Variants in VGLL4 observed in about 807,000 individuals in gnomAD.
VGLL4 encodes the protein transcription cofactor vestigial-like protein 4.
In VGLL4, 7 loss-of-function variants were observed where a neutral mutation model predicts 21.0. The observed-to-expected ratio is 0.33, with a 90% CI of 0.19 to 0.63. The LOEUF is 0.63. VGLL4 is among the 20% of genes least tolerant of loss of function. VGLL4 has a pLI of 0.78. For synonymous variants in VGLL4, 222 were observed against 173.2 expected (o/e 1.28, Z -2.21); for missense variants, 394 against 425.7 (o/e 0.93, Z 0.66).
intron 1 of VGLL4, among the ~76,000 whole-genome samples, chr3:11,635,165 G>C (rs2075562678): frequency 1.3e-5 from 2 of 152,188 alleles, no homozygotes; most frequent in Admixed American, 1.3e-4. Context: ...AGATTAAGAG[G>C]GAAAGGGCAG....
At chr3:11,693,051 TC>T in intron 2 of VGLL4, 1 of 186,316 alleles carries the variant, frequency 5.4e-6, no homozygotes, top group Non-Finnish European at 1.2e-5. Flanking sequence ...GTACCTGTGG[TC>T]CCAGCTACTC....
chr3:11,648,957 G>A (rs2075831964), intron 2 of VGLL4, among the ~76,000 whole-genome samples: 1 of 152,196 alleles, frequency 6.6e-6, no homozygotes, highest in Non-Finnish European at 1.5e-5. Flanking sequence ...AAAGCAGGTT[G>A]GCACACACTA....
At chr3:11,590,656 A>G in intron 2 of VGLL4, among the ~76,000 whole-genome samples, 1 of 137,560 alleles carries the variant, frequency 7.3e-6, no homozygotes, top group Non-Finnish European at 1.5e-5. Context: ...GAAATTTCAA[A>G]ATGAAGAGTG....
At chr3:11,646,088 C>G (rs1321548106), upstream of VGLL4, among the ~76,000 whole-genome samples, 2 of 152,146 alleles carry the variant, frequency 1.3e-5, no homozygotes, top group East Asian at 3.8e-4. Flanking sequence ...ATAGGGGAAT[C>G]AAGATTTCAC....
rs2075905304 is a variant in VGLL4 at position 11,653,323 on chromosome 3, A to G, written c.64+49648T>C. Among the ~76,000 whole-genome samples, 1 of 152,222 alleles carries G rather than the reference A, an allele frequency of 6.6e-6. No homozygotes were observed. The highest frequency in any genetic ancestry group is 1.9e-4 in the East Asian group (1 of 5,202). On this transcript the variant is annotated intron_variant, in intron 2 of 5. Coordinates refer to the VGLL4 transcript ENST00000273038. The surrounding 1 kb of genome is among the most constrained non-coding windows in gnomAD (Gnocchi z 4.2). ...AGTAACTACCCCCATAGGGTAACTT[A>G]CTATCCTAACCTTTAAGAACGTAGA... is the stretch of plus-strand genomic sequence containing the variant.
chr3:11,678,360 G>C (rs11712261), intron 2 of VGLL4, among the ~76,000 whole-genome samples: 80,232 of 151,824 alleles, frequency 0.53, 22,235 homozygotes, highest in Non-Finnish European at 0.63. Context: ...CCAGCCCAAG[G>C]CTCCCTAGTT....
At chr3:11,563,597 G>A (rs887796582) in intron 3 of VGLL4, among the ~76,000 whole-genome samples, 19 of 152,320 alleles carry the variant, frequency 1.2e-4, no homozygotes, top group African/African-American at 3.4e-4. Flanking sequence ...AATGGTGAGC[G>A]CTCGTAAAAC....
chr3:11,651,652 C>T (rs2075874227), intron 2 of VGLL4, among the ~76,000 whole-genome samples: 1 of 151,760 alleles, frequency 6.6e-6, no homozygotes, highest in Admixed American at 6.6e-5. Flanking sequence ...CACGGTAGGT[C>T]AACAACTAAG....
intron 1 of VGLL4, among the ~76,000 whole-genome samples, chr3:11,626,670 T>C (rs777192239): frequency 2.0e-5 from 3 of 152,160 alleles, no homozygotes; most frequent in Non-Finnish European, 2.9e-5. Context: ...GGGTATCACA[T>C]CATCCATAAA....
At chr3:11,564,668 C>T in intron 3 of VGLL4, 129 bp downstream of exon 3, 2 of 1,141,914 alleles carry the variant, frequency 1.8e-6, no homozygotes, top group Admixed American at 2.4e-5. Flanking sequence ...TGGCATCCCT[C>T]ACCACCTCCC....
rs117773269 is a variant in VGLL4, at chr3:11,565,490, G to A, written c.273-471C>T. Among the ~76,000 whole-genome samples, 521 of 152,200 alleles carry A rather than the reference G, an allele frequency of 3.4e-3. 21 individuals are homozygous for A. In the East Asian group the frequency reaches 0.078, roughly 23 times the overall value. On this transcript the variant is annotated intron_variant, in intron 2 of 4. Transcript: ENST00000430365. This position sits in a 1 kb window ranked among gnomAD's most constrained non-coding sequence, Gnocchi z 4.1. ...TCTTCCTCACAGTACTGCTCAGCCC[G>A]TCTTCCTAACAGCACTAAGCAGGCA...
intron 1 of VGLL4, among the ~76,000 whole-genome samples, chr3:11,617,041 T>C (rs1461144968): frequency 2.0e-5 from 3 of 151,488 alleles, no homozygotes; most frequent in Non-Finnish European, 4.4e-5. Flanking sequence ...TTTTAAAATA[T>C]TAATTAATTT....
At chr3:11,562,401 A>G (rs1266148142) in intron 3 of VGLL4, among the ~76,000 whole-genome samples, 1 of 152,046 alleles carries the variant, frequency 6.6e-6, no homozygotes, top group South Asian at 2.1e-4. Context: ...CACACAGAGG[A>G]AGGCTTCCAC....
intron 1 of VGLL4, among the ~76,000 whole-genome samples, chr3:11,626,670 T>G (rs777192239): frequency 6.6e-6 from 1 of 152,160 alleles, no homozygotes; most frequent in Non-Finnish European, 1.5e-5. Context: ...GGGTATCACA[T>G]CATCCATAAA....
At chr3:11,604,462 C>G (rs1559894269) in intron 1 of VGLL4, 1 of 957,518 alleles carries the variant, frequency 1.0e-6, no homozygotes, top group African/African-American at 1.8e-5. Context: ...AGGTCAGGGA[C>G]AGGTCCGTTC....
chr3:11,671,942 C>T (rs1347653198), intron 2 of VGLL4, among the ~76,000 whole-genome samples: 3 of 152,216 alleles, frequency 2.0e-5, no homozygotes, highest in African/African-American at 7.2e-5. Flanking sequence ...TCAGTTCTCA[C>T]TTCCTCCTCG....
chr3:11,635,286 A>G (rs2075564748), intron 1 of VGLL4, among the ~76,000 whole-genome samples: 1 of 152,212 alleles, frequency 6.6e-6, no homozygotes, highest in African/African-American at 2.4e-5. Context: ...TTTTTGTTTT[A>G]AAGTTGGGAG....
intron 1 of VGLL4, among the ~76,000 whole-genome samples, chr3:11,614,092 G>A (rs1323370947): frequency 6.6e-6 from 1 of 152,230 alleles, no homozygotes; most frequent in African/African-American, 2.4e-5. Flanking sequence ...ACCCGGCACG[G>A]TGCCGCCTCC....
chr3:11,582,877 C>A (rs188288646), intron 2 of VGLL4, among the ~76,000 whole-genome samples: 1 of 152,162 alleles, frequency 6.6e-6, no homozygotes, highest in African/African-American at 2.4e-5. Context: ...TCCCTTCCAC[C>A]AGCAGAACCC....
Sources: gnomAD v4.1 joint callset for allele counts (sites outside exome capture counted in the v4.1 genomes callset) on GRCh38, gnomAD v4.1.1 for gene constraint, Gnocchi (gnomAD v3.1) non-coding constraint, MANE v1.5 for transcripts, NCBI Gene and HGNC (gene_info 2026-07-23, HGNC 2026-07-21) for gene names.